Variants in KLF13 observed in about 807,000 individuals in gnomAD.
KLF13 encodes the protein Krueppel-like factor 13.
A neutral mutation model predicts 16.7 loss-of-function variants in KLF13; 8 were observed. That is an observed-to-expected ratio of 0.48 (90% CI 0.28 to 0.87). KLF13 has a LOEUF of 0.87. Among genes scored for constraint, KLF13 ranks in the 40% least tolerant of loss-of-function variants. KLF13 has a pLI of 0.10. For synonymous variants in KLF13, 245 were observed against 208.4 expected (o/e 1.18, Z -1.51); for missense variants, 447 against 452.2 (o/e 0.99, Z 0.10).
chr15:31,329,277 G>T (rs1314266834), intron 1 of KLF13, among the ~76,000 whole-genome samples: 2 of 151,404 alleles, frequency 1.3e-5, no homozygotes, highest in African/African-American at 4.9e-5. Flanking sequence ...GTGGCCCTGG[G>T]GGAGGGGCCA....
Position 31,327,413 on chromosome 15 carries a change from C to T in KLF13, c.201C>T (p.Ile67=). The change falls in exon 1 of 2, where the codon ATC becomes ATT. Residue 67 remains isoleucine (I), a synonymous_variant. Transcript: ENST00000307145. ...DSASLFVVAR[I]LADLNQQAPA... ...CCTCGCTCTTCGTGGTGGCGCGGAT[C>T]CTAGCGGACCTCAACCAGCAAGCGC... is the stretch of plus-strand genomic sequence containing the variant. The T allele has an allele frequency of 7.8e-7, 1 of 1,279,896 alleles. No homozygotes were observed. The highest frequency in any genetic ancestry group is 4.0e-5 in the Admixed American group (1 of 24,914). The allele number at this position is 1,279,896 out of a possible 1,614,324, so 79.3% of individuals were successfully genotyped here. A position where few individuals can be genotyped will look rare whatever the true frequency, so the allele number is the denominator to read the frequency against.
intron 1 of KLF13, among the ~76,000 whole-genome samples, chr15:31,358,977 T>C (rs1039438643): frequency 6.6e-6 from 1 of 152,228 alleles, no homozygotes; most frequent in Non-Finnish European, 1.5e-5. Flanking sequence ...TCAGGGAAGA[T>C]GCTTCTGGCT....
At chr15:31,330,753 T>A (rs2038814727) in intron 1 of KLF13, among the ~76,000 whole-genome samples, 1 of 152,232 alleles carries the variant, frequency 6.6e-6, no homozygotes, top group African/African-American at 2.4e-5. Flanking sequence ...TAGGTAATTG[T>A]TGATATTATA....
At chr15:31,407,778 T>C (rs903575142), downstream of KLF13, among the ~76,000 whole-genome samples, 6 of 152,148 alleles carry the variant, frequency 3.9e-5, no homozygotes, top group East Asian at 1.9e-4. Context: ...CATTAATAAG[T>C]TGAAGGAGAA....
At chr15:31,378,621 T>C (rs2039685663), downstream of KLF13, among the ~76,000 whole-genome samples, 1 of 152,132 alleles carries the variant, frequency 6.6e-6, no homozygotes, top group Non-Finnish European at 1.5e-5. Flanking sequence ...AGGGAGGTGC[T>C]GGTGCAGCCA....
intron 2 of KLF13, among the ~76,000 whole-genome samples, chr15:31,399,457 G>A (rs182753597): frequency 1.3e-5 from 2 of 152,288 alleles, no homozygotes; most frequent in African/African-American, 4.8e-5. Context: ...GAGCCACCGT[G>A]CCCAGCCTAT....
intron 1 of KLF13, among the ~76,000 whole-genome samples, chr15:31,329,039 G>A (rs888204929): frequency 3.3e-5 from 5 of 152,138 alleles, no homozygotes; most frequent in African/African-American, 1.2e-4. Context: ...TTACCATTTG[G>A]AACTGAAAGG....
intron 1 of KLF13, among the ~76,000 whole-genome samples, chr15:31,413,722 A>C (rs2040224005): frequency 6.6e-6 from 1 of 152,212 alleles, no homozygotes; most frequent in Non-Finnish European, 1.5e-5. Context: ...GCCTTCAAGA[A>C]ATACTAAAAA....
At chr15:31,337,696 A>G (rs1219264960) in intron 1 of KLF13, among the ~76,000 whole-genome samples, 1 of 152,190 alleles carries the variant, frequency 6.6e-6, no homozygotes, top group Non-Finnish European at 1.5e-5. Context: ...ACACAATGGT[A>G]AGCATTTTGT....
intron 1 of KLF13, among the ~76,000 whole-genome samples, chr15:31,371,363 CT>C (rs1031735376): frequency 2.5e-4 from 38 of 152,246 alleles, no homozygotes; most frequent in African/African-American, 8.9e-4. Context: ...TGTCACCACA[CT>C]TGGGTCTGCA....
In KLF13 at chr15:31,372,930, G is replaced by A. The variant is rs536848618; in HGVS notation, c.*631G>A. The A allele has an allele frequency of 6.6e-6, 1 of 152,552 alleles. No individual in the cohort carries two copies. The highest frequency in any genetic ancestry group is 2.1e-4 in the South Asian group (1 of 4,834). The allele number at this position is 152,552 out of a possible 1,614,324, so 9.4% of individuals were successfully genotyped here. On this transcript the variant is annotated 3_prime_UTR_variant, in exon 2 of 2. Transcript: ENST00000307145. ...TGGCTGGAGGAGCACTCCACCTTGG[G>A]GATAGTGGAGGGGGCCTTCAGCCCT...
Position 31,394,614 on chromosome 15 carries a change from G to A in KLF13, n.529+923G>A, listed in dbSNP as rs185697627. Among the ~76,000 whole-genome samples, 24 of 152,286 alleles carry A rather than the reference G, an allele frequency of 1.6e-4. 2 individuals are homozygous for A. Among genetic ancestry groups the A allele is most frequent in the African/African-American group, 5.5e-4 (23 of 41,560 alleles). On this transcript the variant is annotated intron_variant and non_coding_transcript_variant, in intron 2 of 2. Coordinates refer to the KLF13 transcript ENST00000500533. ...GTGGATATGGGCAGAGAGGATGGAG[G>A]TGGAAGTGAGACTTCTCTAGGTGCA...
At chr15:31,365,820 G>A (rs931165280) in intron 1 of KLF13, among the ~76,000 whole-genome samples, 3 of 152,154 alleles carry the variant, frequency 2.0e-5, no homozygotes, top group African/African-American at 7.2e-5. Context: ...GGGGGAGAGG[G>A]GAGGGCCTGG....
At chr15:31,337,002 A>G (rs1231407278) in intron 1 of KLF13, among the ~76,000 whole-genome samples, 1 of 152,156 alleles carries the variant, frequency 6.6e-6, no homozygotes, top group East Asian at 1.9e-4. Context: ...CAGTCTGAGC[A>G]TTTGGCAGGC....
intron 1 of KLF13, among the ~76,000 whole-genome samples, chr15:31,413,962 G>A (rs929825172): frequency 4.6e-5 from 7 of 152,098 alleles, no homozygotes; most frequent in Admixed American, 2.6e-4. Context: ...TGCCAATAAC[G>A]TCACAAAGGT....
At chr15:31,433,274 C>T (rs1422595059) in intron 1 of KLF13, among the ~76,000 whole-genome samples, 1 of 152,168 alleles carries the variant, frequency 6.6e-6, no homozygotes, top group African/African-American at 2.4e-5. Context: ...CCCCTGGGAG[C>T]TCCAGCTGCT....
Position 31,372,131 on chromosome 15 carries a change from G to T in KLF13, c.699G>T (p.Glu233Asp), listed in dbSNP as rs1487759796. 1.9e-6 allele frequency: 3 copies of T among 1,613,102 alleles called. No individual in the cohort carries two copies. The highest frequency in any genetic ancestry group is 2.5e-6 in the Non-Finnish European group (3 of 1,179,974). ...GEKKFSCPICEKRFMRSDHLT... is the reference protein window; with the variant it reads ...GEKKFSCPICDKRFMRSDHLT... ...AGAAGTTCAGCTGCCCCATCTGCGA[G>T]AAGCGCTTCATGCGCAGCGACCACC... is the stretch of plus-strand genomic sequence containing the variant. The change falls in exon 2 of 2, where the codon GAG becomes GAT. Residue 233 changes from glutamate to aspartate, a missense_variant. By Grantham distance (45) the Glu-to-Asp change is conservative. This residue lies in a region of KLF13 where 88 missense variants were observed against 169.5 expected (regional missense o/e 0.52). Coordinates refer to ENST00000307145, the MANE Select transcript of KLF13 (RefSeq NM_015995.4).
At chr15:31,434,933 CG>C (rs1362492307) in intron 1 of KLF13, among the ~76,000 whole-genome samples, 1 of 152,168 alleles carries the variant, frequency 6.6e-6, no homozygotes, top group Non-Finnish European at 1.5e-5. Context: ...CAAGTGCTGG[CG>C]GGGGCCGGGG....
chr15:31,327,867 C>T (rs1316708370), intron 1 of KLF13, 78 bp downstream of exon 1: 1 of 1,211,422 alleles, frequency 8.3e-7, no homozygotes, highest in South Asian at 3.2e-5. Flanking sequence ...CCGGAGTCCC[C>T]GATGGGGCGC....
Sources: allele counts gnomAD v4.1 joint callset (sites outside exome capture counted in the v4.1 genomes callset), GRCh38; gene constraint gnomAD v4.1.1; regional missense constraint gnomAD v4.1.1; transcripts MANE v1.5; gene names NCBI Gene and HGNC (gene_info 2026-07-23, HGNC 2026-07-21).